The following TMEM114 variants were observed in gnomAD, a reference collection of about 807,000 sequenced individuals.
TMEM114 encodes claudin-26.
Under a neutral mutation model 6.2 loss-of-function variants are expected in TMEM114, and 6 were observed. The ratio of observed to expected loss-of-function variants is 0.97; its 90% CI spans 0.53 to 1.91. The LOEUF (loss-of-function observed/expected upper bound fraction) is 1.91, where lower values mean the gene tolerates loss of function less well. Among genes scored for constraint, TMEM114 ranks in the 40% most tolerant of loss-of-function variants. The probability of loss-of-function intolerance (pLI) is 0.01; values close to 1 mark genes in which losing one functional copy is unlikely to be tolerated. For missense variants in TMEM114, 218 were observed against 158.3 expected (o/e 1.38, Z -2.02); for synonymous variants, 104 against 73.0 (o/e 1.42, Z -2.16).
chr16:8,588,919 C>T, intron 2 of TMEM114, among the ~76,000 whole-genome samples: 1 of 152,360 alleles, frequency 6.6e-6, no homozygotes. Context: ...TGTCCCAGCA[C>T]CACTGTGAGC....
intron 2 of TMEM114, among the ~76,000 whole-genome samples, chr16:8,542,603 T>C (rs930052722): frequency 2.0e-5 from 3 of 152,174 alleles, no homozygotes; most frequent in Admixed American, 6.5e-5. Flanking sequence ...ACGTTCTAAA[T>C]ATTGATTCTG....
At chr16:8,561,233 C>A (rs1016424957) in intron 2 of TMEM114, among the ~76,000 whole-genome samples, 1 of 152,350 alleles carries the variant, frequency 6.6e-6, no homozygotes, top group Non-Finnish European at 1.5e-5. Flanking sequence ...CTTCCCTTGC[C>A]TATAGCACAG....
intron 2 of TMEM114, among the ~76,000 whole-genome samples, chr16:8,556,187 C>A (rs754063746): frequency 1.8e-4 from 28 of 152,092 alleles, no homozygotes; most frequent in Non-Finnish European, 2.9e-4. Context: ...TCCTTCCCGC[C>A]AGCTCTGCCC....
chr16:8,531,669 T>C, the TMEM114 span, among the ~76,000 whole-genome samples: 18 of 152,210 alleles, frequency 1.2e-4, no homozygotes, highest in African/African-American at 1.9e-4. Flanking sequence ...CATAGAAAAC[T>C]CAATGAAGTG....
At chr16:8,545,311 C>T (rs1900630505) in intron 2 of TMEM114, among the ~76,000 whole-genome samples, 1 of 152,158 alleles carries the variant, frequency 6.6e-6, no homozygotes, top group African/African-American at 2.4e-5. Context: ...TGGCACATGC[C>T]TGCAGTCCCA....
downstream of TMEM114, among the ~76,000 whole-genome samples, chr16:8,536,804 C>G (rs1254289429): frequency 6.6e-6 from 1 of 152,108 alleles, no homozygotes; most frequent in East Asian, 1.9e-4. Context: ...TAATTATCCA[C>G]CCTTAGTCAG....
intron 2 of TMEM114, among the ~76,000 whole-genome samples, chr16:8,585,982 G>C (rs948893041): frequency 9.9e-5 from 15 of 152,222 alleles, no homozygotes; most frequent in Non-Finnish European, 5.9e-5. Context: ...GTGGATGTGA[G>C]TTCTGCTCTG....
At chr16:8,581,645 G>A (rs1224577832) in intron 2 of TMEM114, among the ~76,000 whole-genome samples, 1 of 152,216 alleles carries the variant, frequency 6.6e-6, no homozygotes, top group African/African-American at 2.4e-5. Context: ...GTAGAGACAG[G>A]GATTTGCCAT....
At chr16:8,568,070 G>C (rs937872526), downstream of TMEM114, among the ~76,000 whole-genome samples, 2 of 152,158 alleles carry the variant, frequency 1.3e-5, no homozygotes, top group Admixed American at 6.5e-5. Flanking sequence ...GGATCAGGCA[G>C]TTCTGAAGTT....
the TMEM114 span, among the ~76,000 whole-genome samples, chr16:8,529,398 C>A: frequency 6.6e-6 from 1 of 152,158 alleles, no homozygotes; most frequent in South Asian, 2.1e-4. Flanking sequence ...TCTTCCTTGT[C>A]GCTGGAAGCA....
intron 2 of TMEM114, among the ~76,000 whole-genome samples, chr16:8,550,306 C>T (rs1412661918): frequency 6.6e-6 from 1 of 152,250 alleles, no homozygotes; most frequent in East Asian, 1.9e-4. Context: ...ACTTTGCATC[C>T]TTCAAGCCAA....
chr16:8,563,774 T>TGAGG (rs1901389060), intron 2 of TMEM114, among the ~76,000 whole-genome samples: 1 of 145,788 alleles, frequency 6.9e-6, no homozygotes, highest in Admixed American at 6.8e-5. Flanking sequence ...AATGAGTGAG[T>TGAGG]GAATGACTGA....
At chr16:8,588,771 C>G (rs1902392341) in intron 2 of TMEM114, among the ~76,000 whole-genome samples, 1 of 152,196 alleles carries the variant, frequency 6.6e-6, no homozygotes, top group Non-Finnish European at 1.5e-5. Flanking sequence ...AATGTGAATA[C>G]AAACAACGCT....
chr16:8,587,991 T>TA (rs1350528330), intron 2 of TMEM114, among the ~76,000 whole-genome samples: 26 of 150,422 alleles, frequency 1.7e-4, no homozygotes, highest in East Asian at 5.9e-4. Flanking sequence ...CTATCACTAT[T>TA]AAAAAAAAAC....
At chr16:8,547,934 C>G (rs1900723311) in intron 2 of TMEM114, among the ~76,000 whole-genome samples, 1 of 152,120 alleles carries the variant, frequency 6.6e-6, no homozygotes, top group African/African-American at 2.4e-5. Context: ...CTCTTTTGAC[C>G]TCCAACATCT....
chr16:8,531,019 G>C, the TMEM114 span, among the ~76,000 whole-genome samples: 1 of 151,930 alleles, frequency 6.6e-6, no homozygotes, highest in African/African-American at 2.4e-5. Flanking sequence ...GTGAGACTCT[G>C]TCTCAAAAAA....
At chr16:8,537,228 T>A (rs1426820114), downstream of TMEM114, among the ~76,000 whole-genome samples, 4 of 151,738 alleles carry the variant, frequency 2.6e-5, no homozygotes, top group Non-Finnish European at 5.9e-5. Flanking sequence ...AGGCCAGGCA[T>A]GGTGGCTCAC....
chr16:8,554,129 T>C (rs4787257), intron 2 of TMEM114, among the ~76,000 whole-genome samples: 51 of 151,938 alleles, frequency 3.4e-4, no homozygotes, highest in African/African-American at 1.2e-3. Context: ...TCCACCCGAC[T>C]TGGCCTCCCT....
rs1902425645 is a variant in TMEM114, at chr16:8,589,730, T to G, written c.109A>C (p.Thr37Pro). ...IGTDFWYIID[T>P]ERLERTGPGA... The stretch of plus-strand genomic sequence containing the variant: ...GGGCCAGTCCTCTCCAGCCGCTCGG[T>G]GTCAATGATATACCAGAAGTCCGTG... Residue 37 changes from threonine to proline, a missense_variant, in exon 1 of 4, where the codon ACC becomes CCC. Physicochemically the swap from Thr to Pro is conservative, Grantham distance 38. Coordinates refer to ENST00000620492, the MANE Select transcript of TMEM114 (RefSeq NM_001146336.2). 4 of 398,244 alleles carry G rather than the reference T, an allele frequency of 1.0e-5. No homozygotes were observed. 24.7% of individuals were successfully genotyped at this position (398,244 alleles called of 1,614,324 possible). A position where few individuals can be genotyped will look rare whatever the true frequency, so the allele number is the denominator to read the frequency against.
Sources: gnomAD v4.1 joint callset for allele counts (sites outside exome capture counted in the v4.1 genomes callset) on GRCh38, gnomAD v4.1.1 for gene constraint, MANE v1.5 for transcripts, NCBI Gene and HGNC (gene_info 2026-07-23, HGNC 2026-07-21) for gene names.